The following MTMR7 variants were observed in gnomAD, a reference collection of about 807,000 sequenced individuals.
The protein encoded by MTMR7 is myotubularin related protein 7.
In MTMR7, 76 loss-of-function variants were observed where a neutral mutation model predicts 81.2. That is an observed-to-expected ratio of 0.94 (90% CI 0.78 to 1.13). The LOEUF (loss-of-function observed/expected upper bound fraction) is 1.13, where lower values mean the gene tolerates loss of function less well. Among genes scored for constraint, MTMR7 ranks in the 50% most tolerant of loss-of-function variants. The pLI is 0.00. For missense variants in MTMR7, 1,044 were observed against 820.0 expected (o/e 1.27, Z -3.34); for synonymous variants, 372 against 289.8 (o/e 1.28, Z -2.88).
At chr8:17,305,733 C>A in intron 11 of MTMR7, 24 bp downstream of exon 11, 1 of 1,565,602 alleles carries the variant, frequency 6.4e-7, no homozygotes, top group East Asian at 2.3e-5. Flanking sequence ...AAAAGTTAAA[C>A]ACCAAAAACA....
At chr8:17,349,691 A>T (rs1586231257) in intron 4 of MTMR7, among the ~76,000 whole-genome samples, 1 of 152,108 alleles carries the variant, frequency 6.6e-6, no homozygotes, top group South Asian at 2.1e-4. Flanking sequence ...CAGATTTCCT[A>T]ATGTGCCACA....
intron 4 of MTMR7, among the ~76,000 whole-genome samples, chr8:17,357,500 T>C (rs1178826144): frequency 6.6e-6 from 1 of 152,164 alleles, no homozygotes; most frequent in South Asian, 2.1e-4. Flanking sequence ...TGCTCAACAA[T>C]GCCCTCAGGT....
intron 7 of MTMR7, among the ~76,000 whole-genome samples, chr8:17,322,954 T>TC (rs1382576241): frequency 6.7e-6 from 1 of 148,386 alleles, no homozygotes; most frequent in Non-Finnish European, 1.5e-5. Context: ...AATTATCTTT[T>TC]TTTTTTTTTT....
chr8:17,305,049 C>T (rs776001223), intron 11 of MTMR7, among the ~76,000 whole-genome samples: 15 of 152,276 alleles, frequency 9.9e-5, no homozygotes, highest in Admixed American at 2.0e-4. Flanking sequence ...CTAAAGGATA[C>T]ACTCTGCTCC....
chr8:17,376,310 A>G (rs2150568854), intron 1 of MTMR7, among the ~76,000 whole-genome samples: 1 of 152,346 alleles, frequency 6.6e-6, no homozygotes, highest in East Asian at 1.9e-4. Context: ...TTATAGGGAC[A>G]TATCATATTT....
intron 1 of MTMR7, among the ~76,000 whole-genome samples, chr8:17,397,225 A>AT (rs1821286000): frequency 6.6e-6 from 1 of 151,680 alleles, no homozygotes; most frequent in African/African-American, 2.4e-5. Context: ...CTTGCACCTC[A>AT]GGTACTAGCT....
At chr8:17,382,453 C>T (rs1195142992) in intron 1 of MTMR7, among the ~76,000 whole-genome samples, 1 of 152,188 alleles carries the variant, frequency 6.6e-6, no homozygotes, top group Non-Finnish European at 1.5e-5. Context: ...TTATTTCTGT[C>T]TCTCATAATT....
intron 1 of MTMR7, among the ~76,000 whole-genome samples, chr8:17,406,770 T>A (rs1821595417): frequency 6.6e-6 from 1 of 152,174 alleles, no homozygotes. Flanking sequence ...AATGCAGGAT[T>A]AGCCACAGAA....
intron 1 of MTMR7, among the ~76,000 whole-genome samples, chr8:17,401,376 G>A (rs1004955765): frequency 1.3e-5 from 2 of 152,076 alleles, no homozygotes; most frequent in African/African-American, 4.8e-5. Context: ...GGTATCCAGG[G>A]AGTAGTGGTC....
At position 17,297,280 on chromosome 8, in the gene MTMR7, A is replaced by T. The variant is rs570376631; in HGVS notation, c.*2582T>A. On this transcript the variant is annotated 3_prime_UTR_variant, in exon 14 of 14. Transcript: ENST00000180173. ...ATAGAAGAAAATTCTAAATCAATCAATCAGTGAGATATAAACTAAACAGAC... is the reference window on the plus strand; with the variant it reads ...ATAGAAGAAAATTCTAAATCAATCATTCAGTGAGATATAAACTAAACAGAC... The T allele has an allele frequency of 6.6e-6, 1 of 152,146 alleles. No individual in the cohort carries two copies. The highest frequency in any genetic ancestry group is 1.5e-5 in the Non-Finnish European group (1 of 67,986). The allele number at this position is 152,146 out of a possible 1,614,324, so 9.4% of individuals were successfully genotyped here. A position where few individuals can be genotyped will look rare whatever the true frequency, so the allele number is the denominator to read the frequency against.
rs113171490 is a variant in MTMR7, at chr8:17,300,939, A to G, written c.1621-715T>C. Among the ~76,000 whole-genome samples the G allele has an allele frequency of 5.1e-3, 772 of 152,354 alleles. 8 individuals are homozygous for G. The highest frequency in any genetic ancestry group is 0.017 in the African/African-American group (701 of 41,594). On this transcript the variant is annotated intron_variant, in intron 13 of 13. Transcript: ENST00000180173. ...TCTCAGAATTCATTCATGGTACAGC[A>G]TGTATCAAGTACTTCATTCCTTTTT...
chr8:17,312,307 G>C (rs530090069), intron 8 of MTMR7, among the ~76,000 whole-genome samples: 15 of 152,142 alleles, frequency 9.9e-5, no homozygotes, highest in African/African-American at 3.4e-4. Context: ...GGAGGCAGTG[G>C]CTCACGCATG....
chr8:17,358,947 T>C (rs1819979162), intron 4 of MTMR7, among the ~76,000 whole-genome samples: 1 of 152,138 alleles, frequency 6.6e-6, no homozygotes, highest in Non-Finnish European at 1.5e-5. Flanking sequence ...CAAGCTAGAG[T>C]GCATGGCGCG....
intron 7 of MTMR7, among the ~76,000 whole-genome samples, chr8:17,318,678 T>G (rs1215367090): frequency 1.3e-5 from 2 of 152,210 alleles, no homozygotes; most frequent in Admixed American, 6.5e-5. Context: ...GGTTAGGGTC[T>G]GCTACAGGTA....
intron 7 of MTMR7, among the ~76,000 whole-genome samples, chr8:17,320,757 G>T (rs1451848333): frequency 6.6e-6 from 1 of 152,156 alleles, no homozygotes; most frequent in Non-Finnish European, 1.5e-5. Context: ...CCAAGCATCA[G>T]GCTCACTTCT....
At chr8:17,375,661 C>A (rs57141835) in intron 1 of MTMR7, among the ~76,000 whole-genome samples, 4,212 of 151,994 alleles carry the variant, frequency 0.028, 188 homozygotes, top group African/African-American at 0.096. Context: ...GGCTAGTAGC[C>A]CAAGGCCCAA....
chr8:17,361,632 G>A (rs1820064441), intron 3 of MTMR7, among the ~76,000 whole-genome samples: 1 of 152,170 alleles, frequency 6.6e-6, no homozygotes, highest in Non-Finnish European at 1.5e-5. Context: ...TAGGCATGAA[G>A]ATTCCATTTT....
intron 1 of MTMR7, among the ~76,000 whole-genome samples, chr8:17,411,084 T>A (rs1478153052): frequency 6.6e-6 from 1 of 152,246 alleles, no homozygotes; most frequent in Non-Finnish European, 1.5e-5. Flanking sequence ...AGTAATGTTG[T>A]TCTCTTTTTC....
intron 7 of MTMR7, among the ~76,000 whole-genome samples, chr8:17,325,216 G>A (rs1818621064): frequency 1.3e-5 from 2 of 151,978 alleles, no homozygotes; most frequent in African/African-American, 2.4e-5. Context: ...CCTTTAGACT[G>A]CCTCCAAGGC....
Sources: gnomAD v4.1 joint callset for allele counts (sites outside exome capture counted in the v4.1 genomes callset) on GRCh38, gnomAD v4.1.1 for gene constraint, MANE v1.5 for transcripts, NCBI Gene and HGNC (gene_info 2026-07-23, HGNC 2026-07-21) for gene names.